The following MEGF6 variants were observed in gnomAD, a reference collection of about 807,000 sequenced individuals.
MEGF6 encodes multiple epidermal growth factor-like domains protein 6.
A neutral mutation model predicts 207.1 loss-of-function variants in MEGF6; 184 were observed. That is an observed-to-expected ratio of 0.89 (90% CI 0.79 to 1.00). The LOEUF is 1.00. Among genes scored for constraint, MEGF6 ranks in the 50% least tolerant of loss-of-function variants. MEGF6 has a pLI of 0.00. For missense variants in MEGF6, 2,282 were observed against 2,202.9 expected (o/e 1.04, Z -0.72); for synonymous variants, 1,038 against 910.0 (o/e 1.14, Z -2.53).
chr1:3,508,937 C>A, intron 12 of MEGF6, 138 bp downstream of exon 12: 1 of 1,157,668 alleles, frequency 8.6e-7, no homozygotes. Context: ...CTCACCCTCT[C>A]TGGGCCTTGG....
rs544058443 is a variant in MEGF6, at chr1:3,495,951, G to A, written c.3810C>T (p.Cys1270=). Residue 1270 remains cysteine, a synonymous_variant, in exon 30 of 37, where the codon TGC becomes TGT. Coordinates refer to ENST00000356575, the MANE Select transcript of MEGF6 (RefSeq NM_001409.4). ...HVCGCGQGAA[C]DPVTGTCLCP... ...AGAGGCAGGTGCCGGTCACAGGGTCGCAGGCCGCCCCCTGCCCACACCCAC... is the reference window on the plus strand; with the variant it reads ...AGAGGCAGGTGCCGGTCACAGGGTCACAGGCCGCCCCCTGCCCACACCCAC... The A allele has an allele frequency of 3.2e-5, 51 of 1,589,216 alleles. No homozygotes were observed. Among genetic ancestry groups the A allele is most frequent in the African/African-American group, 6.7e-5 (5 of 74,822 alleles).
chr1:3,597,313 G>C (rs370033048), intron 2 of MEGF6, among the ~76,000 whole-genome samples: 1 of 151,908 alleles, frequency 6.6e-6, no homozygotes, highest in Non-Finnish European at 1.5e-5. Context: ...GTCCTTCCTC[G>C]GGAAGCCGCC....
rs148031076 is a variant in MEGF6 at position 3,577,152 on chromosome 1, C to T, written c.481+2673G>A. Among the ~76,000 whole-genome samples the T allele has an allele frequency of 8.8e-3, 1,340 of 152,306 alleles. 15 individuals are homozygous for T. Among genetic ancestry groups the T allele is most frequent in the African/African-American group, 0.03 (1,243 of 41,578 alleles). On this transcript the variant is annotated intron_variant, in intron 4 of 36. Transcript: ENST00000356575. ...CAGCCTCCATACCCTCCCCTTCTTC[C>T]GAGAGAGTGACCAGCGAGGAGGCCG... is the stretch of plus-strand genomic sequence containing the variant.
At chr1:3,514,485 C>T in intron 7 of MEGF6, 65 bp downstream of exon 7, 1 of 1,509,256 alleles carries the variant, frequency 6.6e-7, no homozygotes, top group Non-Finnish European at 8.9e-7. Flanking sequence ...GACACGGGTC[C>T]CTCCACAGCA....
chr1:3,620,934 G>T, the MEGF6 span, among the ~76,000 whole-genome samples: 1 of 152,330 alleles, frequency 6.6e-6, no homozygotes, highest in East Asian at 1.9e-4. Flanking sequence ...TTCCCCGTTT[G>T]GCAGCTGAGG....
In MEGF6 at chr1:3,523,985, C is replaced by T. The variant is rs1557748075; in HGVS notation, c.604+139G>A. On this transcript the variant is annotated intron_variant, in intron 5 of 36. Transcript: ENST00000356575. ...GGCAGGATTCCATAGAGCCATGCTC[C>T]GCAGGAAGGAGCCACTGCCAGAGCG... The T allele has an allele frequency of 2.2e-5, 22 of 990,074 alleles. No individual in the cohort carries two copies. In the Admixed American group the frequency reaches 2.4e-4, roughly 11 times the overall value. 61.3% of individuals were successfully genotyped at this position (990,074 alleles called of 1,614,324 possible). A position where few individuals can be genotyped will look rare whatever the true frequency, so the allele number is the denominator to read the frequency against.
intron 4 of MEGF6, among the ~76,000 whole-genome samples, chr1:3,554,595 C>T (rs140104332): frequency 2.0e-5 from 3 of 152,264 alleles, no homozygotes; most frequent in African/African-American, 4.8e-5. Flanking sequence ...TTTTAGAGGC[C>T]GGAAGTCCAA....
chr1:3,615,856 G>T (rs1212825043), upstream of MEGF6, among the ~76,000 whole-genome samples: 1 of 152,228 alleles, frequency 6.6e-6, no homozygotes, highest in Admixed American at 6.5e-5. Flanking sequence ...CCACTCCTGG[G>T]TTACACGCAG....
At chr1:3,521,499 A>G (rs1641745258) in intron 5 of MEGF6, among the ~76,000 whole-genome samples, 1 of 152,020 alleles carries the variant, frequency 6.6e-6, no homozygotes, top group Non-Finnish European at 1.5e-5. Context: ...CACCCTCCCC[A>G]TCCCAGGCCG....
At chr1:3,494,885 T>C in intron 30 of MEGF6, 144 bp from the exon 31 acceptor site, 1 of 1,256,280 alleles carries the variant, frequency 8.0e-7, no homozygotes, top group Non-Finnish European at 1.1e-6. Flanking sequence ...GGCGGGCACA[T>C]GCCAGGGAGT....
At chr1:3,558,225 G>A (rs1015788345) in intron 4 of MEGF6, among the ~76,000 whole-genome samples, 3 of 152,168 alleles carry the variant, frequency 2.0e-5, no homozygotes, top group Non-Finnish European at 2.9e-5. Context: ...TCTGAGGACT[G>A]TGCAGTGCCA....
chr1:3,590,919 C>T (rs1643966546), intron 3 of MEGF6, among the ~76,000 whole-genome samples: 1 of 147,352 alleles, frequency 6.8e-6, no homozygotes, highest in Non-Finnish European at 1.5e-5. Context: ...CACCATCATC[C>T]TCCAGCTCAC....
In MEGF6 at chr1:3,560,861, T is replaced by G. The variant is rs1373428383; in HGVS notation, c.481+18964A>C. Reference sequence around the variant, plus strand: ...GCGAGGGGGTTGCTGGGCTGGCTGGTCCCCCAGGTCTCTACGCGAAGGGGG... The same window carrying G: ...GCGAGGGGGTTGCTGGGCTGGCTGGGCCCCCAGGTCTCTACGCGAAGGGGG... On this transcript the variant is annotated intron_variant, in intron 4 of 36. Coordinates refer to ENST00000356575, the MANE Select transcript of MEGF6 (RefSeq NM_001409.4). The surrounding 1 kb of genome is among the most constrained non-coding windows in gnomAD (Gnocchi z 4.0). 2.3e-6 allele frequency: 1 copy of G among 440,318 alleles called. No homozygotes were observed. Among genetic ancestry groups the G allele is most frequent in the Non-Finnish European group, 4.6e-6 (1 of 216,808 alleles). The allele number at this position is 440,318 out of a possible 1,614,324, so 27.3% of individuals were successfully genotyped here.
intron 4 of MEGF6, among the ~76,000 whole-genome samples, chr1:3,542,956 G>A (rs1196694892): frequency 6.6e-6 from 1 of 152,180 alleles, no homozygotes; most frequent in Non-Finnish European, 1.5e-5. Context: ...GCACGCACAG[G>A]CCTGAGCCCA....
At chr1:3,531,140 A>T (rs1642149047) in intron 4 of MEGF6, 4 of 1,529,626 alleles carry the variant, frequency 2.6e-6, no homozygotes, top group Non-Finnish European at 3.5e-6. Flanking sequence ...CATGGGTAGC[A>T]GCCCCTCCAG....
intron 4 of MEGF6, among the ~76,000 whole-genome samples, chr1:3,525,929 C>T (rs555986368): frequency 6.6e-6 from 1 of 152,210 alleles, no homozygotes; most frequent in Non-Finnish European, 1.5e-5. Flanking sequence ...AGCAGACAGG[C>T]AGGAGGCCAC....
the MEGF6 span, among the ~76,000 whole-genome samples, chr1:3,622,095 A>G: frequency 6.6e-6 from 1 of 152,150 alleles, no homozygotes; most frequent in South Asian, 2.1e-4. Flanking sequence ...GACTGTTGGG[A>G]GGGCATGATT....
intron 1 of MEGF6, among the ~76,000 whole-genome samples, chr1:3,607,861 C>T (rs577432734): frequency 1.4e-4 from 22 of 152,340 alleles, no homozygotes; most frequent in South Asian, 8.3e-4. Context: ...AAGAGATGGG[C>T]GGGCATGCTG....
At chr1:3,549,159 GC>G (rs1282629531) in intron 4 of MEGF6, among the ~76,000 whole-genome samples, 1 of 152,174 alleles carries the variant, frequency 6.6e-6, no homozygotes, top group Non-Finnish European at 1.5e-5. Flanking sequence ...GTGGGGACTG[GC>G]CCCCCTAGTC....
Sources: allele counts gnomAD v4.1 joint callset (sites outside exome capture counted in the v4.1 genomes callset), GRCh38; gene constraint gnomAD v4.1.1; non-coding constraint Gnocchi (gnomAD v3.1); transcripts MANE v1.5; gene names NCBI Gene and HGNC (gene_info 2026-07-23, HGNC 2026-07-21).